Variants in TFPI observed in about 807,000 individuals in gnomAD.
TFPI encodes the protein tissue factor pathway inhibitor.
Under a neutral mutation model 34.6 loss-of-function variants are expected in TFPI, and 15 were observed. The observed-to-expected ratio is 0.43, with a 90% CI of 0.29 to 0.67. The LOEUF is 0.67. TFPI is among the 30% of genes least tolerant of loss of function. TFPI has a pLI of 0.15. For synonymous variants in TFPI, 105 were observed against 120.1 expected, an observed-to-expected ratio of 0.87 and a Z score of 0.82; for missense variants, 301 against 364.0, an observed-to-expected ratio of 0.83 and a Z score of 1.41.
At chr2:187,540,890 C>CAAAAAAA (rs56921212) in intron 1 of TFPI, among the ~76,000 whole-genome samples, 22 of 84,694 alleles carry the variant, frequency 2.6e-4, no homozygotes, top group East Asian at 9.1e-4. Flanking sequence ...GACTCCATCT[C>CAAAAAAA]AAAAAAAAAA....
chr2:187,467,008 A>C lies in TFPI; in HGVS notation c.843T>G (p.Ile281Met), dbSNP rs1365998942. 1 of 1,589,588 alleles carries C rather than the reference A, an allele frequency of 6.3e-7. No homozygotes were observed. Among genetic ancestry groups the C allele is most frequent in the South Asian group, 1.1e-5 (1 of 87,894 alleles). ...GCTTCTTTCTTTTTCTTTTGGTTTT[A>C]ATTAGGCCTCCTTTTGATATTCTTT... ...FIQRISKGGL[I>M]KTKRKRKKQR... Residue 281 changes from isoleucine (I) to methionine (M), a missense_variant, in exon 8 of 8, where the codon ATT becomes ATG. Ile to Met is a conservative substitution (Grantham distance 10). Coordinates refer to ENST00000233156, the MANE Select transcript of TFPI (RefSeq NM_006287.6).
At chr2:187,506,677 C>T (rs976270415) in intron 1 of TFPI, among the ~76,000 whole-genome samples, 2 of 152,074 alleles carry the variant, frequency 1.3e-5, no homozygotes, top group African/African-American at 4.8e-5. Context: ...TGCAGGGTAT[C>T]CCCTTAATAG....
intron 1 of TFPI, among the ~76,000 whole-genome samples, chr2:187,511,490 G>A (rs1176330192): frequency 6.6e-6 from 1 of 152,110 alleles, no homozygotes; most frequent in Non-Finnish European, 1.5e-5. Flanking sequence ...GGAAGCATGG[G>A]TCAGGCACAA....
chr2:187,498,703 T>G (rs1685649572), intron 2 of TFPI, among the ~76,000 whole-genome samples: 1 of 151,964 alleles, frequency 6.6e-6, no homozygotes, highest in Admixed American at 6.6e-5. Context: ...AGTTAATTGA[T>G]TATTTTTTTC....
At chr2:187,537,216 A>C (rs1271977368) in intron 1 of TFPI, among the ~76,000 whole-genome samples, 1 of 152,212 alleles carries the variant, frequency 6.6e-6, no homozygotes, top group African/African-American at 2.4e-5. Flanking sequence ...TACTTTCTTC[A>C]CATATTAGAA....
chr2:187,482,835 T>C (rs1002766428), intron 6 of TFPI, among the ~76,000 whole-genome samples: 1 of 151,988 alleles, frequency 6.6e-6, no homozygotes, highest in South Asian at 2.1e-4. Flanking sequence ...TAGGCAGGAC[T>C]AAAGGGTAAG....
intron 3 of TFPI, among the ~76,000 whole-genome samples, chr2:187,490,850 T>C (rs59730860): frequency 8.0e-4 from 121 of 151,906 alleles, no homozygotes; most frequent in African/African-American, 2.7e-3. Flanking sequence ...ATTTTAATAA[T>C]AATTTCATCT....
intron 1 of TFPI, among the ~76,000 whole-genome samples, chr2:187,551,457 T>G (rs1689093872): frequency 6.6e-6 from 1 of 152,146 alleles, no homozygotes; most frequent in Non-Finnish European, 1.5e-5. Flanking sequence ...GTGAAGAAGT[T>G]GCCTTCAGCA....
intron 1 of TFPI, among the ~76,000 whole-genome samples, chr2:187,524,600 G>T (rs564137252): frequency 1.3e-5 from 2 of 152,060 alleles, no homozygotes; most frequent in South Asian, 4.1e-4. Flanking sequence ...AAATTAGGCG[G>T]CAGTACAGAT....
intron 1 of TFPI, among the ~76,000 whole-genome samples, chr2:187,537,822 T>G (rs1156778380): frequency 6.6e-6 from 1 of 151,914 alleles, no homozygotes; most frequent in Non-Finnish European, 1.5e-5. Context: ...TGGGAGAAAA[T>G]TTTTGCAATC....
intron 1 of TFPI, among the ~76,000 whole-genome samples, chr2:187,553,228 C>T (rs2106341648): frequency 6.6e-6 from 1 of 152,122 alleles, no homozygotes; most frequent in East Asian, 1.9e-4. Flanking sequence ...TATGCTTTTA[C>T]ACATGAAATA....
intron 1 of TFPI, among the ~76,000 whole-genome samples, chr2:187,521,007 A>T (rs921726576): frequency 1.3e-5 from 2 of 151,670 alleles, no homozygotes; most frequent in Non-Finnish European, 2.9e-5. Context: ...TTTATGCCCC[A>T]CTCTTATAAT....
intron 6 of TFPI, 118 bp downstream of exon 6, chr2:187,484,006 A>G: frequency 2.5e-6 from 2 of 803,314 alleles, no homozygotes; most frequent in Non-Finnish European, 4.0e-6. Context: ...CAAACACATT[A>G]TTAAGCAACA....
intron 3 of TFPI, among the ~76,000 whole-genome samples, chr2:187,489,504 T>A (rs950997549): frequency 1.3e-5 from 2 of 151,476 alleles, no homozygotes; most frequent in African/African-American, 4.8e-5. Context: ...TAGACTGTCA[T>A]ATAACCTGAC....
intron 5 of TFPI, chr2:187,484,527 T>G (rs1344378669): frequency 2.1e-6 from 1 of 481,528 alleles, no homozygotes; most frequent in African/African-American, 2.0e-5. Flanking sequence ...TTTGTATAAA[T>G]GTGAAAGATT....
intron 1 of TFPI, among the ~76,000 whole-genome samples, chr2:187,508,645 T>C (rs762673865): frequency 6.6e-6 from 1 of 152,202 alleles, no homozygotes; most frequent in East Asian, 1.9e-4. Context: ...CTTGTGATTT[T>C]TGTATCCTGA....
rs1197196801 is a variant in TFPI at position 187,467,735 on chromosome 2, G to A, written c.808+18C>T. 3 of 1,547,220 alleles carry A rather than the reference G, an allele frequency of 1.9e-6. No individual in the cohort carries two copies. Among genetic ancestry groups the A allele is most frequent in the Non-Finnish European group, 2.6e-6 (3 of 1,148,246 alleles). ...ATCTTAAACACTAGTCAATTAATGG[G>A]AAGAGTATCTTCTATACCTTTTTTA... On this transcript the variant is annotated intron_variant, in intron 7 of 7. Transcript: ENST00000233156.
intron 6 of TFPI, among the ~76,000 whole-genome samples, chr2:187,472,465 CTTTTCACAA>C (rs1323252757): frequency 6.6e-6 from 1 of 152,104 alleles, no homozygotes; most frequent in Non-Finnish European, 1.5e-5. Flanking sequence ...TCCACTGAAA[CTTTTCACAA>C]ATTTATATGC....
At chr2:187,532,129 T>C (rs897141826) in intron 1 of TFPI, among the ~76,000 whole-genome samples, 1 of 152,214 alleles carries the variant, frequency 6.6e-6, no homozygotes, top group Non-Finnish European at 1.5e-5. Flanking sequence ...AAGCAACCTC[T>C]GGTTGTATAT....
Sources: allele counts gnomAD v4.1 joint callset (sites outside exome capture counted in the v4.1 genomes callset), GRCh38; gene constraint gnomAD v4.1.1; transcripts MANE v1.5; gene names NCBI Gene and HGNC (gene_info 2026-07-23, HGNC 2026-07-21).